The following DNAH14 variants were observed in gnomAD, a reference collection of about 807,000 sequenced individuals.
DNAH14 encodes dynein axonemal heavy chain 14, also known as axonemal beta dynein heavy chain 14.
A neutral mutation model predicts 520.9 loss-of-function variants in DNAH14; 478 were observed. That is an observed-to-expected ratio of 0.92 (90% CI 0.85 to 0.99). The LOEUF (loss-of-function observed/expected upper bound fraction) is 0.99, where lower values mean the gene tolerates loss of function less well. DNAH14 is among the 50% of genes least tolerant of loss of function. The pLI, the probability that DNAH14 is intolerant of heterozygous loss-of-function variation, is 0.00. For synonymous variants in DNAH14, 1,581 were observed against 1,757.2 expected (o/e 0.90, Z 2.51); for missense variants, 4,831 against 5,234.5 (o/e 0.92, Z 2.38).
intron 55 of DNAH14, among the ~76,000 whole-genome samples, chr1:225,292,384 C>G (rs1194713871): frequency 1.3e-5 from 2 of 151,982 alleles, no homozygotes; most frequent in African/African-American, 4.8e-5. Context: ...GTTCTCAGTG[C>G]ATTTGTCAAA....
intron 23 of DNAH14, among the ~76,000 whole-genome samples, chr1:225,116,703 A>G (rs1272340089): frequency 1.3e-5 from 2 of 152,200 alleles, no homozygotes; most frequent in African/African-American, 2.4e-5. Flanking sequence ...ATTAAGATGT[A>G]TGGGTCCAAG....
At chr1:225,051,346 A>G in intron 16 of DNAH14, 105 bp from the exon 17 acceptor site, 1 of 802,140 alleles carries the variant, frequency 1.2e-6, no homozygotes, top group South Asian at 2.5e-5. Flanking sequence ...AATAAACTCC[A>G]CATAGCACTA....
chr1:225,249,120 C>G (rs2092436512), intron 43 of DNAH14, among the ~76,000 whole-genome samples: 1 of 152,214 alleles, frequency 6.6e-6, no homozygotes, highest in Non-Finnish European at 1.5e-5. Flanking sequence ...CCTCAGTCCA[C>G]AGACCTCAAA....
At chr1:224,945,905 G>A (rs1016315219) in intron 1 of DNAH14, among the ~76,000 whole-genome samples, 2 of 152,286 alleles carry the variant, frequency 1.3e-5, no homozygotes, top group Non-Finnish European at 2.9e-5. Context: ...CCCCTACTGG[G>A]GCTGCCTCCC....
chr1:225,215,022 C>T (rs1312166144), intron 41 of DNAH14, among the ~76,000 whole-genome samples: 1 of 152,182 alleles, frequency 6.6e-6, no homozygotes, highest in Non-Finnish European at 1.5e-5. Flanking sequence ...TTAGATCCTT[C>T]CTGCTTTCTC....
chr1:225,040,083 G>A (rs2067334310), intron 12 of DNAH14, among the ~76,000 whole-genome samples: 1 of 150,978 alleles, frequency 6.6e-6, no homozygotes, highest in South Asian at 2.1e-4. Flanking sequence ...GACTACAGGT[G>A]CCCACCACCA....
intron 25 of DNAH14, among the ~76,000 whole-genome samples, chr1:225,118,683 G>A (rs1559015014): frequency 6.6e-6 from 1 of 152,024 alleles, no homozygotes; most frequent in Non-Finnish European, 1.5e-5. Context: ...AGGAGTTTGA[G>A]ACCAGCCTGA....
intron 35 of DNAH14, among the ~76,000 whole-genome samples, chr1:225,166,160 G>C (rs2082025094): frequency 6.6e-6 from 1 of 152,096 alleles, no homozygotes; most frequent in Admixed American, 6.5e-5. Context: ...TAAGTTTTGG[G>C]TGCCTCTTGT....
chr1:225,233,464 C>T (rs889955468), intron 42 of DNAH14, among the ~76,000 whole-genome samples: 13 of 152,156 alleles, frequency 8.5e-5, no homozygotes, highest in Non-Finnish European at 1.8e-4. Context: ...ACCTTGACAG[C>T]ATCTGTTGTT....
In DNAH14 at chr1:225,247,638, C is replaced by G. The variant is rs749953719; in HGVS notation, c.6749-4663C>G. Among the ~76,000 whole-genome samples the G allele has an allele frequency of 3.1e-4, 47 of 152,266 alleles. 1 individual carries two copies. The highest frequency in any genetic ancestry group is 6.2e-4 in the South Asian group (3 of 4,826). On this transcript the variant is annotated intron_variant, in intron 43 of 85. Transcript: ENST00000682510. Reference sequence around the variant, plus strand: ...TTGACATAAATCCTGATATTAAACACATTTAAACAATTTATAGTGAAACTG... The same window carrying G: ...TTGACATAAATCCTGATATTAAACAGATTTAAACAATTTATAGTGAAACTG...
chr1:225,281,679 A>C (rs1184880546), intron 54 of DNAH14, among the ~76,000 whole-genome samples: 1 of 152,218 alleles, frequency 6.6e-6, no homozygotes, highest in Non-Finnish European at 1.5e-5. Flanking sequence ...CTTATAATAT[A>C]TAAAGATGTA....
At chr1:225,076,601 A>G (rs921875696) in intron 17 of DNAH14, among the ~76,000 whole-genome samples, 1 of 152,160 alleles carries the variant, frequency 6.6e-6, no homozygotes, top group African/African-American at 2.4e-5. Flanking sequence ...ACATAGTGAC[A>G]CTATGAACCA....
intron 38 of DNAH14, among the ~76,000 whole-genome samples, chr1:225,203,583 A>G (rs573785634): frequency 6.6e-6 from 1 of 152,330 alleles, no homozygotes; most frequent in East Asian, 1.9e-4. Context: ...AAGCCTCCCC[A>G]TCTCAAGATA....
At chr1:225,364,916 T>C (rs1306724460) in intron 76 of DNAH14, 22 bp downstream of exon 76, 1 of 1,508,046 alleles carries the variant, frequency 6.6e-7, no homozygotes, top group African/African-American at 1.4e-5. Context: ...GTATAACAGA[T>C]TTAATGTTGA....
At chr1:225,175,211 C>G (rs973980) in intron 36 of DNAH14, among the ~76,000 whole-genome samples, 16,989 of 152,146 alleles carry the variant, frequency 0.11, 1,482 homozygotes, top group East Asian at 0.23. Flanking sequence ...GAATCATTTT[C>G]TTGAAGAATC....
At chr1:225,161,854 T>C (rs897494049) in intron 35 of DNAH14, among the ~76,000 whole-genome samples, 3 of 152,222 alleles carry the variant, frequency 2.0e-5, no homozygotes, top group African/African-American at 7.2e-5. Flanking sequence ...TATTGGATTA[T>C]TAGATTTGCT....
chr1:225,173,761 T>C (rs1222114595), intron 36 of DNAH14, among the ~76,000 whole-genome samples: 1 of 152,212 alleles, frequency 6.6e-6, no homozygotes, highest in African/African-American at 2.4e-5. Context: ...CATTACTGGG[T>C]ATATACCCAA....
Position 225,152,744 on chromosome 1 carries a change from G to T in DNAH14, c.5057G>T (p.Arg1686Leu). The T allele has an allele frequency of 6.4e-7, 1 of 1,550,980 alleles. No individual in the cohort carries two copies. The highest frequency in any genetic ancestry group is 8.7e-7 in the Non-Finnish European group (1 of 1,146,662). The change falls in exon 33 of 86, where the codon CGC (arginine) becomes CTC (leucine). Residue 1686 changes from arginine (R) to leucine (L), a missense_variant. Transcript: ENST00000682510. ...ELPDNLKSLF[R>L]PVAMMVPHYQ... ...CCAGATAACTTAAAATCTCTGTTTC[G>T]CCCAGTGGCAATGATGGTGCCCCAT...
At chr1:225,356,493 C>T (rs1050883561) in intron 73 of DNAH14, among the ~76,000 whole-genome samples, 3 of 152,174 alleles carry the variant, frequency 2.0e-5, no homozygotes. Context: ...ATCTATCTGA[C>T]AACTTCAGAC....
Sources: allele counts gnomAD v4.1 joint callset (sites outside exome capture counted in the v4.1 genomes callset), GRCh38; gene constraint gnomAD v4.1.1; transcripts MANE v1.5; gene names NCBI Gene and HGNC (gene_info 2026-07-23, HGNC 2026-07-21).